TAFA1: variants seen among roughly 807,000 people sequenced by gnomAD.
The protein encoded by TAFA1 is chemokine-like protein TAFA-1.
TAFA1 carries 4 observed loss-of-function variants against 18.5 expected under a neutral mutation model. That is an observed-to-expected ratio of 0.22 (90% confidence interval 0.11 to 0.49). The LOEUF (loss-of-function observed/expected upper bound fraction) is 0.49, where lower values mean the gene tolerates loss of function less well. Ranked by LOEUF, TAFA1 falls within the 20% of genes least tolerant of loss-of-function variation. The pLI is 0.98. For missense variants in TAFA1, 147 were observed against 169.0 expected (o/e 0.87, Z 0.72); for synonymous variants, 56 against 55.2 (o/e 1.01, Z -0.06).
intron 2 of TAFA1, among the ~76,000 whole-genome samples, chr3:68,412,091 T>G (rs774789352): frequency 6.6e-6 from 1 of 152,204 alleles, no homozygotes; most frequent in Non-Finnish European, 1.5e-5. Flanking sequence ...CCTGGCCTCA[T>G]GTGTGTAAAT....
chr3:68,134,844 C>A (rs954891342), intron 2 of TAFA1, among the ~76,000 whole-genome samples: 5 of 152,136 alleles, frequency 3.3e-5, no homozygotes, highest in Non-Finnish European at 7.4e-5. Flanking sequence ...CTTATTCAAA[C>A]AATATGTAAG....
chr3:68,038,850 T>C (rs1404089085), intron 2 of TAFA1, among the ~76,000 whole-genome samples: 1 of 152,214 alleles, frequency 6.6e-6, no homozygotes, highest in East Asian at 1.9e-4. Flanking sequence ...TAACCTCTCA[T>C]CTTGTTTACA....
intron 2 of TAFA1, among the ~76,000 whole-genome samples, chr3:68,228,410 C>A (rs1217902427): frequency 6.6e-6 from 1 of 152,124 alleles, no homozygotes; most frequent in Non-Finnish European, 1.5e-5. Context: ...AGCCACCATA[C>A]CTGGCAGACC....
At chr3:68,248,557 G>A (rs533069263) in intron 2 of TAFA1, among the ~76,000 whole-genome samples, 100 of 151,956 alleles carry the variant, frequency 6.6e-4, no homozygotes, top group African/African-American at 2.3e-3. Context: ...GACAATGTAC[G>A]GTAAATGCAC....
intron 3 of TAFA1, among the ~76,000 whole-genome samples, chr3:68,515,971 A>G (rs377678347): frequency 2.0e-5 from 3 of 152,382 alleles, no homozygotes; most frequent in East Asian, 3.9e-4. Flanking sequence ...CATTATTTGC[A>G]GGCTGCACTG....
At chr3:68,049,214 C>G (rs2064434879) in intron 2 of TAFA1, among the ~76,000 whole-genome samples, 1 of 152,130 alleles carries the variant, frequency 6.6e-6, no homozygotes, top group Non-Finnish European at 1.5e-5. Context: ...TTTTTTACAA[C>G]TCATAGGCTA....
intron 2 of TAFA1, among the ~76,000 whole-genome samples, chr3:68,053,867 C>A (rs1356660470): frequency 6.6e-6 from 1 of 151,914 alleles, no homozygotes; most frequent in Non-Finnish European, 1.5e-5. Context: ...TCTCACTTGG[C>A]TAATTTTTAA....
chr3:68,440,047 C>T (rs900415430), intron 3 of TAFA1, among the ~76,000 whole-genome samples: 1 of 151,892 alleles, frequency 6.6e-6, no homozygotes, highest in African/African-American at 2.4e-5. Flanking sequence ...GTGTCCCCCC[C>T]CTCCAAATCT....
chr3:68,298,077 A>G (rs1389830366), intron 2 of TAFA1, among the ~76,000 whole-genome samples: 1 of 152,110 alleles, frequency 6.6e-6, no homozygotes, highest in African/African-American at 2.4e-5. Context: ...TTCCCTGTCC[A>G]TTAGTTCTTT....
intron 2 of TAFA1, among the ~76,000 whole-genome samples, chr3:68,136,682 A>T (rs2106893143): frequency 6.6e-6 from 1 of 152,280 alleles, no homozygotes; most frequent in South Asian, 2.1e-4. Flanking sequence ...AAAGGGAGGG[A>T]GTAACAGACA....
At chr3:68,007,665 T>C (rs1704386502) in intron 2 of TAFA1, among the ~76,000 whole-genome samples, 1 of 146,296 alleles carries the variant, frequency 6.8e-6, no homozygotes, top group African/African-American at 2.5e-5. Flanking sequence ...TGGGGACCAG[T>C]TGCGCGCCCA....
At chr3:68,381,805 A>G (rs2069964614) in intron 2 of TAFA1, among the ~76,000 whole-genome samples, 1 of 152,116 alleles carries the variant, frequency 6.6e-6, no homozygotes, top group African/African-American at 2.4e-5. Flanking sequence ...TTCCAACACT[A>G]TGTTGAATAG....
intron 4 of TAFA1, among the ~76,000 whole-genome samples, chr3:68,541,984 C>A (rs2073385356): frequency 1.3e-5 from 2 of 152,086 alleles, no homozygotes; most frequent in Admixed American, 1.3e-4. Context: ...CCAGACACCC[C>A]AGAACGTCTG....
chr3:68,397,323 G>A (rs574222751), intron 2 of TAFA1, among the ~76,000 whole-genome samples: 14 of 151,928 alleles, frequency 9.2e-5, no homozygotes, highest in Admixed American at 2.0e-4. Flanking sequence ...CCCCCTACCC[G>A]CCAACAGGCC....
intron 3 of TAFA1, among the ~76,000 whole-genome samples, chr3:68,437,485 G>T (rs937978679): frequency 1.3e-5 from 2 of 152,156 alleles, no homozygotes; most frequent in African/African-American, 4.8e-5. Flanking sequence ...CCAAAGGGCT[G>T]CATCTCGTAA....
chr3:68,458,788 C>CT (rs199714996), intron 3 of TAFA1, among the ~76,000 whole-genome samples: 5,268 of 146,990 alleles, frequency 0.036, 125 homozygotes, highest in East Asian at 0.09. Flanking sequence ...GTGCTTCCCA[C>CT]TTTTTTTTTT....
At chr3:68,276,169 C>G (rs2067792673) in intron 2 of TAFA1, among the ~76,000 whole-genome samples, 1 of 149,370 alleles carries the variant, frequency 6.7e-6, no homozygotes, top group Admixed American at 6.7e-5. Flanking sequence ...AAAAAAAAAA[C>G]CCAGAAGACA....
chr3:68,048,213 G>A lies in TAFA1; in HGVS notation c.118+41469G>A, dbSNP rs946530888. ...AATAATATAATATCTATGATTATAAGAATGTATTGGGGAAAATAGACATAT... is the reference window on the plus strand; with the variant it reads ...AATAATATAATATCTATGATTATAAAAATGTATTGGGGAAAATAGACATAT... On this transcript the variant is annotated intron_variant, in intron 2 of 4. Transcript: ENST00000478136. Among the ~76,000 whole-genome samples the A allele has an allele frequency of 3.9e-5, 6 of 152,180 alleles. No individual in the cohort carries two copies. The East Asian group carries it at 1.2e-3, about 29-fold the overall frequency.
chr3:68,413,734 A>G (rs1378933851), intron 2 of TAFA1, among the ~76,000 whole-genome samples: 1 of 152,102 alleles, frequency 6.6e-6, no homozygotes, highest in Non-Finnish European at 1.5e-5. Flanking sequence ...TTTGAAAGTT[A>G]CAGGTGTTGG....
Sources: allele counts gnomAD v4.1 joint callset (sites outside exome capture counted in the v4.1 genomes callset), GRCh38; gene constraint gnomAD v4.1.1; transcripts MANE v1.5; gene names NCBI Gene and HGNC (gene_info 2026-07-23, HGNC 2026-07-21).